The following SLC5A3 variants were observed in gnomAD, a reference collection of about 807,000 sequenced individuals.
SLC5A3 encodes sodium/myo-inositol cotransporter.
In SLC5A3, 10 loss-of-function variants were observed where a neutral mutation model predicts 43.2. That is an observed-to-expected ratio of 0.23 (90% confidence interval 0.14 to 0.39). The LOEUF (loss-of-function observed/expected upper bound fraction) is 0.39. Among genes scored for constraint, SLC5A3 ranks in the 10% least tolerant of loss-of-function variants. SLC5A3 has a pLI of 1.00. For missense variants in SLC5A3, 608 were observed against 893.4 expected (o/e 0.68, Z 4.07); for synonymous variants, 349 against 322.0 (o/e 1.08, Z -0.90).
intron 1 of SLC5A3, among the ~76,000 whole-genome samples, chr21:34,075,917 G>A (rs192840663): frequency 8.5e-5 from 13 of 152,338 alleles, no homozygotes; most frequent in Non-Finnish European, 1.8e-4. Context: ...TTGCACACCG[G>A]TAGCAGGCCT....
Position 34,102,263 on chromosome 21 carries a change from C to G in SLC5A3, c.*4908C>G. 6.0e-6 allele frequency: 6 copies of G among 999,834 alleles called. No individual in the cohort carries two copies. Among genetic ancestry groups the G allele is most frequent in the Non-Finnish European group, 7.2e-6 (6 of 829,762 alleles). The allele number at this position is 999,834 out of a possible 1,614,324, so 61.9% of individuals were successfully genotyped here. A position where few individuals can be genotyped will look rare whatever the true frequency, so the allele number is the denominator to read the frequency against. ...GTGGTGAGTCCCACACCATTATTCA[C>G]TTAGTAGTCATATAAATGTTTTTAT... is the stretch of plus-strand genomic sequence containing the variant. On this transcript the variant is annotated 3_prime_UTR_variant, in exon 2 of 2. Coordinates refer to ENST00000381151, the MANE Select transcript of SLC5A3 (RefSeq NM_006933.7).
chr21:34,074,089 G>A (rs1339510572), intron 1 of SLC5A3, among the ~76,000 whole-genome samples: 2 of 148,078 alleles, frequency 1.4e-5, no homozygotes, highest in Non-Finnish European at 3.0e-5. Context: ...AGGTCCGCGG[G>A]AGGACACGCG....
chr21:34,098,118 G>A lies in SLC5A3; in HGVS notation c.*763G>A. On this transcript the variant is annotated 3_prime_UTR_variant, in exon 2 of 2. Transcript: ENST00000381151. ...TTATGGGGGAGAAAATGAAGTAAAT[G>A]TTGCTGATGATCCCCATATTTATTG... The A allele has an allele frequency of 1.0e-6, 1 of 999,594 alleles. No individual in the cohort carries two copies. The highest frequency in any genetic ancestry group is 1.2e-6 in the Non-Finnish European group (1 of 829,638). 61.9% of individuals were successfully genotyped at this position (999,594 alleles called of 1,614,324 possible). A position where few individuals can be genotyped will look rare whatever the true frequency, so the allele number is the denominator to read the frequency against.
rs1426989564 is a variant in SLC5A3 at position 34,098,560 on chromosome 21, G to A, written c.*1205G>A. On this transcript the variant is annotated 3_prime_UTR_variant, in exon 2 of 2. Transcript: ENST00000381151. ...AAGGATGTTTCAGTGCAAACTGGCCGTCGGTAACAGAAAACTCAGTGCATA... is the reference window on the plus strand; with the variant it reads ...AAGGATGTTTCAGTGCAAACTGGCCATCGGTAACAGAAAACTCAGTGCATA... 1.6e-5 allele frequency: 16 copies of A among 1,000,168 alleles called. No homozygotes were observed. Among genetic ancestry groups the A allele is most frequent in the Admixed American group, 6.1e-5 (1 of 16,274 alleles). 62.0% of individuals were successfully genotyped at this position (1,000,168 alleles called of 1,614,324 possible).
intron 1 of SLC5A3, among the ~76,000 whole-genome samples, chr21:34,080,801 G>T (rs971326262): frequency 1.3e-5 from 2 of 152,194 alleles, no homozygotes; most frequent in African/African-American, 4.8e-5. Context: ...GCCTTGAGGG[G>T]TTACTACTCT....
In SLC5A3 at chr21:34,103,777, A is replaced by G; in HGVS notation, c.*6422A>G. 3.0e-6 allele frequency: 3 copies of G among 1,000,080 alleles called. No homozygotes were observed. The highest frequency in any genetic ancestry group is 3.6e-6 in the Non-Finnish European group (3 of 829,872). The allele number at this position is 1,000,080 out of a possible 1,614,324, so 62.0% of individuals were successfully genotyped here. A position where few individuals can be genotyped will look rare whatever the true frequency, so the allele number is the denominator to read the frequency against. On this transcript the variant is annotated 3_prime_UTR_variant, in exon 2 of 2. Transcript: ENST00000381151. ...AGGGACCCAAAGGAATAATCTCAATAAGTTTGTACCACATTGATGGAGGGA... is the reference window on the plus strand; with the variant it reads ...AGGGACCCAAAGGAATAATCTCAATGAGTTTGTACCACATTGATGGAGGGA...
chr21:34,096,183 G>T lies in SLC5A3; in HGVS notation c.985G>T (p.Ala329Ser). 6.2e-7 allele frequency: 1 copy of T among 1,614,170 alleles called. No individual in the cohort carries two copies. Among genetic ancestry groups the T allele is most frequent in the Non-Finnish European group, 8.5e-7 (1 of 1,180,008 alleles). Residue 329 changes from alanine (A) to serine (S), a missense_variant, in exon 2 of 2, where the codon GCT becomes TCT. Around this residue, in one of 2 missense-constraint regions of SLC5A3, gnomAD observed 398 missense variants for 668.6 expected, o/e 0.60. Coordinates refer to ENST00000381151, the MANE Select transcript of SLC5A3 (RefSeq NM_006933.7). The surrounding 1 kb of genome is among the most constrained non-coding windows in gnomAD (Gnocchi z 5.9). ...CAGGATACTGTTTACTGATGATATA[G>T]CTTGCATCAACCCAGAGCACTGCAT... ...ISRILFTDDI[A>S]CINPEHCMLV...
In SLC5A3 at chr21:34,097,727, T is replaced by C; in HGVS notation, c.*372T>C. ...GCAGACCTTACCCTGAAGTAGAAGA[T>C]TTGCTCATTTCTAAATTTTTTTTTC... On this transcript the variant is annotated 3_prime_UTR_variant, in exon 2 of 2. Coordinates refer to ENST00000381151, the MANE Select transcript of SLC5A3 (RefSeq NM_006933.7). 9.9e-7 allele frequency: 1 copy of C among 1,008,042 alleles called. No individual in the cohort carries two copies. Among genetic ancestry groups the C allele is most frequent in the Non-Finnish European group, 1.2e-6 (1 of 835,474 alleles). 62.4% of individuals were successfully genotyped at this position (1,008,042 alleles called of 1,614,324 possible).
Position 34,104,622 on chromosome 21 carries a change from T to C in SLC5A3, c.*7267T>C, listed in dbSNP as rs1979397030. ...TAACCTGAACACTTTGAGGGAGAGA[T>C]TATTCTTGCCAGCAAAAAGCTAGCC... On this transcript the variant is annotated 3_prime_UTR_variant, in exon 2 of 2. Coordinates refer to ENST00000381151, the MANE Select transcript of SLC5A3 (RefSeq NM_006933.7). The C allele has an allele frequency of 3.0e-6, 3 of 1,000,224 alleles. No individual in the cohort carries two copies. Among genetic ancestry groups the C allele is most frequent in the Non-Finnish European group, 3.6e-6 (3 of 829,986 alleles). The allele number at this position is 1,000,224 out of a possible 1,614,324, so 62.0% of individuals were successfully genotyped here.
intron 1 of SLC5A3, among the ~76,000 whole-genome samples, chr21:34,080,688 T>A (rs554522411): frequency 6.6e-6 from 1 of 152,232 alleles, no homozygotes; most frequent in Non-Finnish European, 1.5e-5. Context: ...AGTTAATTGG[T>A]GAATATGTTT....
In SLC5A3 at chr21:34,102,578, A is replaced by T. The variant is rs1384827184; in HGVS notation, c.*5223A>T. 1.0e-6 allele frequency: 1 copy of T among 1,000,002 alleles called. No individual in the cohort carries two copies. Among genetic ancestry groups the T allele is most frequent in the Non-Finnish European group, 1.2e-6 (1 of 829,864 alleles). 61.9% of individuals were successfully genotyped at this position (1,000,002 alleles called of 1,614,324 possible). On this transcript the variant is annotated 3_prime_UTR_variant, in exon 2 of 2. Transcript: ENST00000381151. The stretch of plus-strand genomic sequence containing the variant: ...TTACTTTTTGGGCAGTACCATACAT[A>T]GTCTGAGGCTATTGACTTAAACCAA...
Position 34,105,413 on chromosome 21 carries a change from T to C in SLC5A3, c.*8058T>C. ...CTTTTTCTAATAATATCCTGTGAAATTGCTTCATTCATTCATTTATTTTTA... is the reference window on the plus strand; with the variant it reads ...CTTTTTCTAATAATATCCTGTGAAACTGCTTCATTCATTCATTTATTTTTA... On this transcript the variant is annotated 3_prime_UTR_variant, in exon 2 of 2. Coordinates refer to ENST00000381151, the MANE Select transcript of SLC5A3 (RefSeq NM_006933.7). 3 of 999,034 alleles carry C rather than the reference T, an allele frequency of 3.0e-6. No homozygotes were observed. The highest frequency in any genetic ancestry group is 3.6e-6 in the Non-Finnish European group (3 of 829,022). 61.9% of individuals were successfully genotyped at this position (999,034 alleles called of 1,614,324 possible). A position where few individuals can be genotyped will look rare whatever the true frequency, so the allele number is the denominator to read the frequency against.
Position 34,073,737 on chromosome 21 carries a change from A to T in SLC5A3, c.-345A>T. 6.5e-7 allele frequency: 1 copy of T among 1,527,134 alleles called. No homozygotes were observed. Among genetic ancestry groups the T allele is most frequent in the Non-Finnish European group, 8.8e-7 (1 of 1,132,262 alleles). The allele number at this position is 1,527,134 out of a possible 1,614,324, so 94.6% of individuals were successfully genotyped here. Reference sequence around the variant, plus strand: ...CGAGCTGGCTTTAATCCTGAAAGCCATGCAGCGGGTAAGTGACCTTCCCTC... The same window carrying T: ...CGAGCTGGCTTTAATCCTGAAAGCCTTGCAGCGGGTAAGTGACCTTCCCTC... On this transcript the variant is annotated 5_prime_UTR_variant, in exon 1 of 2. It removes an upstream start codon present in the reference 5' UTR. Coordinates refer to ENST00000381151, the MANE Select transcript of SLC5A3 (RefSeq NM_006933.7).
chr21:34,075,914 C>G (rs1989319187), intron 1 of SLC5A3, among the ~76,000 whole-genome samples: 1 of 152,208 alleles, frequency 6.6e-6, no homozygotes. Context: ...AGCTTGCACA[C>G]CGGTAGCAGG....
chr21:34,099,834 T>A lies in SLC5A3; in HGVS notation c.*2479T>A. ...TTGCCAGTATAAACATCATTTTATT[T>A]AGACTAAAGTCCCTGAAGCTTGTCT... On this transcript the variant is annotated 3_prime_UTR_variant, in exon 2 of 2. Coordinates refer to ENST00000381151, the MANE Select transcript of SLC5A3 (RefSeq NM_006933.7). 1 of 542,792 alleles carries A rather than the reference T, an allele frequency of 1.8e-6. No homozygotes were observed. The highest frequency in any genetic ancestry group is 2.4e-6 in the Non-Finnish European group (1 of 412,654). 33.6% of individuals were successfully genotyped at this position (542,792 alleles called of 1,614,324 possible).
chr21:34,074,197 C>G (rs1338704717), intron 1 of SLC5A3, among the ~76,000 whole-genome samples: 1 of 150,520 alleles, frequency 6.6e-6, no homozygotes, highest in East Asian at 1.9e-4. Context: ...CTCCGCCGCC[C>G]GCCGGCTGCC....
At chr21:34,079,234 C>T (rs1223215844) in intron 1 of SLC5A3, among the ~76,000 whole-genome samples, 2 of 152,168 alleles carry the variant, frequency 1.3e-5, no homozygotes, top group Non-Finnish European at 2.9e-5. Flanking sequence ...TTTCATAAAA[C>T]TTTCACATTT....
intron 1 of SLC5A3, among the ~76,000 whole-genome samples, 189 bp downstream of exon 1, chr21:34,073,934 C>T (rs1312425131): frequency 1.4e-5 from 2 of 144,938 alleles, no homozygotes; most frequent in African/African-American, 4.9e-5. Context: ...GGCCCGGCCG[C>T]GTGCGCGCGG....
intron 1 of SLC5A3, among the ~76,000 whole-genome samples, chr21:34,076,161 C>G (rs1053084116): frequency 2.6e-5 from 4 of 152,162 alleles, no homozygotes; most frequent in Non-Finnish European, 4.4e-5. Context: ...AGTTAAGAAA[C>G]TATAGTTTTC....
Sources: allele counts gnomAD v4.1 joint callset (sites outside exome capture counted in the v4.1 genomes callset), GRCh38; gene constraint gnomAD v4.1.1; regional missense constraint gnomAD v4.1.1; non-coding constraint Gnocchi (gnomAD v3.1); transcripts MANE v1.5; gene names NCBI Gene and HGNC (gene_info 2026-07-23, HGNC 2026-07-21).